The following PARVA variants were observed in gnomAD, a reference collection of about 807,000 sequenced individuals.
PARVA encodes the protein alpha-parvin.
A neutral mutation model predicts 52.6 loss-of-function variants in PARVA; 25 were observed. The ratio of observed to expected loss-of-function variants is 0.48; its 90% CI spans 0.35 to 0.66. The LOEUF is 0.66. Among genes scored for constraint, PARVA ranks in the 30% least tolerant of loss-of-function variants. PARVA has a pLI of 0.01. For synonymous variants in PARVA, 185 were observed against 179.1 expected (o/e 1.03, Z -0.26); for missense variants, 373 against 450.9 (o/e 0.83, Z 1.56).
intron 4 of PARVA, among the ~76,000 whole-genome samples, chr11:12,491,589 C>T (rs1349121787): frequency 1.3e-5 from 2 of 152,006 alleles, no homozygotes; most frequent in South Asian, 2.1e-4. Context: ...ACAAAATAGA[C>T]TTTAAGGCAA....
chr11:12,526,474 T>G (rs1941703010), intron 12 of PARVA, among the ~76,000 whole-genome samples: 1 of 152,230 alleles, frequency 6.6e-6, no homozygotes, highest in Non-Finnish European at 1.5e-5. Flanking sequence ...TAATCATTTT[T>G]ATTGTGAAAA....
In PARVA at chr11:12,432,509, G is replaced by A. The variant is rs146823663; in HGVS notation, c.137-41236G>A. Reference sequence around the variant, plus strand: ...TGCTTTGTCTCCCAATGGCTCTGCCGTTAACCGTTCACCTCTTGTCTTTGT... The same window carrying A: ...TGCTTTGTCTCCCAATGGCTCTGCCATTAACCGTTCACCTCTTGTCTTTGT... On this transcript the variant is annotated intron_variant, in intron 1 of 12. Coordinates refer to ENST00000334956, the MANE Select transcript of PARVA (RefSeq NM_018222.5). Among the ~76,000 whole-genome samples the A allele has an allele frequency of 4.2e-4, 64 of 152,294 alleles. No individual in the cohort carries two copies. The East Asian group carries it at 8.9e-3, about 21-fold the overall frequency.
chr11:12,489,866 T>G (rs1412690711), intron 4 of PARVA, among the ~76,000 whole-genome samples: 1 of 152,164 alleles, frequency 6.6e-6, no homozygotes, highest in African/African-American at 2.4e-5. Context: ...ACAAAAATGA[T>G]CAACTTATAA....
intron 12 of PARVA, among the ~76,000 whole-genome samples, chr11:12,522,421 C>CTTTTTT (rs66494894): frequency 3.7e-5 from 5 of 134,624 alleles, no homozygotes; most frequent in African/African-American, 8.4e-5. Flanking sequence ...GAGCTTTATT[C>CTTTTTT]TTTTTTTTTT....
chr11:12,421,925 C>G (rs1184110640), intron 1 of PARVA, among the ~76,000 whole-genome samples: 2 of 152,148 alleles, frequency 1.3e-5, no homozygotes, highest in Non-Finnish European at 2.9e-5. Flanking sequence ...TTGAGTAGTT[C>G]AAGATCTTTT....
chr11:12,527,248 C>T (rs368290541), intron 12 of PARVA, among the ~76,000 whole-genome samples: 69 of 146,038 alleles, frequency 4.7e-4, no homozygotes, highest in African/African-American at 1.6e-3. Flanking sequence ...TCCGGGGGCA[C>T]GGAAGAAGGG....
chr11:12,511,583 TAG>T, intron 8 of PARVA, 50 bp downstream of exon 8: 1 of 1,595,430 alleles, frequency 6.3e-7, no homozygotes, highest in Non-Finnish European at 8.6e-7. Context: ...ACTGGGGCTT[TAG>T]TTAATTCCGC....
chr11:12,460,841 C>T (rs574946275), intron 1 of PARVA, among the ~76,000 whole-genome samples: 2 of 152,134 alleles, frequency 1.3e-5, no homozygotes, highest in African/African-American at 4.8e-5. Flanking sequence ...TGCATGAAGA[C>T]GAAGGCCAGT....
intron 4 of PARVA, among the ~76,000 whole-genome samples, chr11:12,488,661 G>A (rs542841700): frequency 6.5e-4 from 99 of 152,240 alleles, no homozygotes; most frequent in African/African-American, 2.2e-3. Flanking sequence ...AATTATCTTA[G>A]CCTTGGATGT....
intron 1 of PARVA, among the ~76,000 whole-genome samples, chr11:12,454,629 A>C (rs1940671667): frequency 6.6e-6 from 1 of 152,018 alleles, no homozygotes; most frequent in Non-Finnish European, 1.5e-5. Context: ...TCTAACAATT[A>C]CAAAGGTAGA....
rs1941811937 is a variant in PARVA at position 12,534,463 on chromosome 11, A to C, written c.*6538A>C. On this transcript the variant is annotated 3_prime_UTR_variant, in exon 13 of 13. Coordinates refer to ENST00000334956, the MANE Select transcript of PARVA (RefSeq NM_018222.5). Reference sequence around the variant, plus strand: ...CACACATGTGGGCACTGGCTTTGATACTGGCATTTGGAAGGGCACTTGGGA... The same window carrying C: ...CACACATGTGGGCACTGGCTTTGATCCTGGCATTTGGAAGGGCACTTGGGA... Among the ~76,000 whole-genome samples, 1 of 152,130 alleles carries C rather than the reference A, an allele frequency of 6.6e-6. No homozygotes were observed. Among genetic ancestry groups the C allele is most frequent in the Non-Finnish European group, 1.5e-5 (1 of 68,022 alleles).
At chr11:12,447,846 C>T (rs1225361493) in intron 1 of PARVA, among the ~76,000 whole-genome samples, 1 of 152,220 alleles carries the variant, frequency 6.6e-6, no homozygotes, top group Non-Finnish European at 1.5e-5. Flanking sequence ...GGTTTGAAGT[C>T]AGTAGGACCC....
intron 8 of PARVA, among the ~76,000 whole-genome samples, chr11:12,512,040 A>G (rs916629904): frequency 7.2e-5 from 11 of 152,226 alleles, no homozygotes; most frequent in African/African-American, 2.7e-4. Flanking sequence ...GAAGTATGCT[A>G]AAATATTTCT....
Position 12,529,805 on chromosome 11 carries a change from C to A in PARVA, c.*1880C>A, listed in dbSNP as rs1941749288. ...CTCAGCATAATGAGCATTTAACATACAAAGGCAATGTACTGTTTTGTGTTG... is the reference window on the plus strand; with the variant it reads ...CTCAGCATAATGAGCATTTAACATAAAAAGGCAATGTACTGTTTTGTGTTG... On this transcript the variant is annotated 3_prime_UTR_variant, in exon 13 of 13. Coordinates refer to ENST00000334956, the MANE Select transcript of PARVA (RefSeq NM_018222.5). 6.6e-6 allele frequency: 1 copy of A among 152,126 alleles called. No homozygotes were observed. The highest frequency in any genetic ancestry group is 2.4e-5 in the African/African-American group (1 of 41,440). The allele number at this position is 152,126 out of a possible 1,614,324, so 9.4% of individuals were successfully genotyped here.
At chr11:12,379,744 G>C (rs957340301) in intron 1 of PARVA, among the ~76,000 whole-genome samples, 2 of 152,188 alleles carry the variant, frequency 1.3e-5, no homozygotes, top group African/African-American at 2.4e-5. Context: ...AGATTGAAAC[G>C]AGAAGCAGCA....
chr11:12,434,521 C>T (rs1490878309), intron 1 of PARVA, among the ~76,000 whole-genome samples: 3 of 152,162 alleles, frequency 2.0e-5, no homozygotes, highest in Admixed American at 1.3e-4. Context: ...TGTCACAGCC[C>T]CCAACCATGT....
intron 1 of PARVA, among the ~76,000 whole-genome samples, chr11:12,460,640 G>A (rs539687875): frequency 1.3e-5 from 2 of 152,302 alleles, no homozygotes; most frequent in South Asian, 4.1e-4. Flanking sequence ...TAGCCCCACT[G>A]AGAGCTGTTT....
At position 12,487,680 on chromosome 11, in the gene PARVA, TGAAA is replaced by T. The variant is rs531318115; in HGVS notation, c.401-8775_401-8772del. 4.1e-3 allele frequency among the ~76,000 whole-genome samples: 618 copies of T among 152,308 alleles called. 4 individuals are homozygous for T. The highest frequency in any genetic ancestry group is 7.8e-3 in the Admixed American group (120 of 15,292). The stretch of plus-strand genomic sequence containing the variant: ...TTGATATATGCTGCTATTCTTAAAC[TGAAA>T]GAGTTATTTTCTCATCTCAAACTCA... On this transcript the variant is annotated intron_variant, in intron 4 of 12. Coordinates refer to ENST00000334956, the MANE Select transcript of PARVA (RefSeq NM_018222.5).
At chr11:12,519,086 C>T (rs553018094) in intron 12 of PARVA, among the ~76,000 whole-genome samples, 1 of 152,356 alleles carries the variant, frequency 6.6e-6, no homozygotes, top group Non-Finnish European at 1.5e-5. Flanking sequence ...AGGAGGCACG[C>T]TTCTCTTAGT....
Sources: gnomAD v4.1 joint callset for allele counts (sites outside exome capture counted in the v4.1 genomes callset) on GRCh38, gnomAD v4.1.1 for gene constraint, MANE v1.5 for transcripts, NCBI Gene and HGNC (gene_info 2026-07-23, HGNC 2026-07-21) for gene names.